The following TFB1M variants were observed in gnomAD, a reference collection of about 807,000 sequenced individuals.
TFB1M encodes transcription factor B1, mitochondrial.
In TFB1M, 27 loss-of-function variants were observed where a neutral mutation model predicts 31.1. The ratio of observed to expected loss-of-function variants is 0.87; its 90% CI spans 0.64 to 1.20. The LOEUF (loss-of-function observed/expected upper bound fraction) is 1.20, where lower values mean the gene tolerates loss of function less well. Ranked by LOEUF, TFB1M falls within the 50% of genes most tolerant of loss-of-function variation. The pLI is 0.00. For missense variants in TFB1M, 394 were observed against 418.7 expected (o/e 0.94, Z 0.51); for synonymous variants, 166 against 151.8 (o/e 1.09, Z -0.69).
chr6:155,238,380 CTCCAAACTGT>C, the TFB1M span, among the ~76,000 whole-genome samples: 1 of 152,236 alleles, frequency 6.6e-6, no homozygotes, highest in African/African-American at 2.4e-5. Context: ...CTTCTGAGCC[CTCCAAACTGT>C]TCCAACCTCT....
chr6:155,268,890 T>C, intron 5 of TFB1M, among the ~76,000 whole-genome samples: 1 of 146,114 alleles, frequency 6.8e-6, no homozygotes, highest in Non-Finnish European at 1.5e-5. Flanking sequence ...CCCTCCACTA[T>C]TGTCCTATGA....
At chr6:155,259,072 C>G (rs1583304638) in intron 6 of TFB1M, among the ~76,000 whole-genome samples, 1 of 152,170 alleles carries the variant, frequency 6.6e-6, no homozygotes, top group South Asian at 2.1e-4. Flanking sequence ...AGTGCCAGCT[C>G]TAGGCTCAGA....
intron 4 of TFB1M, among the ~76,000 whole-genome samples, chr6:155,286,853 T>A (rs1046468833): frequency 6.6e-6 from 1 of 151,778 alleles, no homozygotes; most frequent in African/African-American, 2.4e-5. Context: ...TATTAAAATT[T>A]TTAATTTCTG....
At position 155,311,246 on chromosome 6, in the gene TFB1M, G is replaced by A. The variant is rs758851498; in HGVS notation, c.227C>T (p.Ala76Val). 2 of 1,613,926 alleles carry A rather than the reference G, an allele frequency of 1.2e-6. No homozygotes were observed. Among genetic ancestry groups the A allele is most frequent in the African/African-American group, 1.3e-5 (1 of 74,922 alleles). ...PGGITRSILNADVAELLVVEK... is the reference protein window; with the variant it reads ...PGGITRSILNVDVAELLVVEK... ...AACCACCAGAAGTTCAGCGACGTCG[G>A]CATTAAGAATAGATCTTGTGATTCC... The change falls in exon 2 of 7, where the codon GCC becomes GTC. Residue 76 changes from alanine to valine, a missense_variant. This residue lies in a region of TFB1M where 273 missense variants were observed against 256.4 expected (regional missense o/e 1.06). Transcript: ENST00000367166.
chr6:155,248,827 T>G, the TFB1M span, among the ~76,000 whole-genome samples: 15 of 152,208 alleles, frequency 9.9e-5, no homozygotes, highest in Non-Finnish European at 1.8e-4. Context: ...ATGTTGAAAC[T>G]AGGAGGTCCA....
intron 4 of TFB1M, among the ~76,000 whole-genome samples, chr6:155,289,162 G>A (rs1021269408): frequency 6.6e-6 from 1 of 152,022 alleles, no homozygotes; most frequent in African/African-American, 2.4e-5. Context: ...GGGACAATGA[G>A]AACTATGTAA....
At position 155,256,611 on chromosome 6, in the gene TFB1M, C is replaced by T. The variant is rs770617207; in HGVS notation, c.*1225G>A. 3.1e-6 allele frequency: 5 copies of T among 1,614,006 alleles called. No homozygotes were observed. The African/African-American group carries it at 5.3e-5, about 17-fold the overall frequency. On this transcript the variant is annotated 3_prime_UTR_variant, in exon 7 of 7. Coordinates refer to ENST00000367166, the MANE Select transcript of TFB1M (RefSeq NM_016020.4). ...GCAGCGGCACCCAGAGCAGCGGCTG[C>T]CCCACGGCTGAGGGCAGGCAGGACT...
chr6:155,245,754 A>AGTTT, the TFB1M span: 1 of 562,928 alleles, frequency 1.8e-6, no homozygotes, highest in Non-Finnish European at 2.5e-6. Flanking sequence ...TGCCTTTTAT[A>AGTTT]GTTTTTTTTT....
intron 2 of TFB1M, among the ~76,000 whole-genome samples, chr6:155,300,353 C>A (rs1226764793): frequency 6.6e-6 from 1 of 152,062 alleles, no homozygotes; most frequent in Non-Finnish European, 1.5e-5. Flanking sequence ...TTTAAATTAC[C>A]ACTAGTTAGT....
the TFB1M span, chr6:155,247,915 A>T: frequency 7.5e-6 from 11 of 1,461,634 alleles, no homozygotes; most frequent in Non-Finnish European, 9.3e-6. Context: ...ATAGAAATAG[A>T]TGATCTATAA....
the TFB1M span, among the ~76,000 whole-genome samples, chr6:155,247,428 A>G: frequency 6.6e-6 from 1 of 152,222 alleles, no homozygotes; most frequent in Middle Eastern, 3.4e-3. Flanking sequence ...TCAGGAGTTC[A>G]GGTGATTCTC....
At chr6:155,299,277 CA>C (rs899188200) in intron 2 of TFB1M, among the ~76,000 whole-genome samples, 2 of 152,070 alleles carry the variant, frequency 1.3e-5, no homozygotes, top group African/African-American at 4.8e-5. Context: ...TCTTTGTGAG[CA>C]AAAAGGGGAA....
At chr6:155,284,853 T>C (rs1053027682) in intron 5 of TFB1M, among the ~76,000 whole-genome samples, 1 of 152,210 alleles carries the variant, frequency 6.6e-6, no homozygotes, top group Non-Finnish European at 1.5e-5. Context: ...TGGGTGACCG[T>C]GTAACTTATC....
At chr6:155,273,391 A>G (rs1785031519) in intron 5 of TFB1M, among the ~76,000 whole-genome samples, 1 of 152,226 alleles carries the variant, frequency 6.6e-6, no homozygotes, top group Non-Finnish European at 1.5e-5. Flanking sequence ...TCTAGGATCT[A>G]ATGTCTTAGA....
intron 6 of TFB1M, among the ~76,000 whole-genome samples, chr6:155,259,356 CTTAA>C (rs1490238339): frequency 6.6e-6 from 1 of 152,234 alleles, no homozygotes; most frequent in Non-Finnish European, 1.5e-5. Flanking sequence ...GGAATTCTGG[CTTAA>C]TTAGAGGCAA....
At chr6:155,271,200 A>G (rs537575133) in intron 5 of TFB1M, among the ~76,000 whole-genome samples, 1 of 152,314 alleles carries the variant, frequency 6.6e-6, no homozygotes, top group East Asian at 1.9e-4. Context: ...CAATAATAAA[A>G]TTATCTTCTT....
chr6:155,296,426 A>ATTTTTTTTTTTTTTTTTT (rs71023639), intron 4 of TFB1M, among the ~76,000 whole-genome samples: 5 of 103,474 alleles, frequency 4.8e-5, no homozygotes, highest in Admixed American at 1.2e-4. Flanking sequence ...CACCCAGCTA[A>ATTTTTTTTTTTTTTTTTT]TTTTTTTTTT....
At position 155,257,542 on chromosome 6, in the gene TFB1M, G is replaced by T; in HGVS notation, c.*294C>A. ...AAGCATATTTAAGTTATTTTAATGT[G>T]GTTTAGGGGCAAAATGTGCAGATAC... On this transcript the variant is annotated 3_prime_UTR_variant, in exon 7 of 7. Coordinates refer to ENST00000367166, the MANE Select transcript of TFB1M (RefSeq NM_016020.4). 5.0e-6 allele frequency: 2 copies of T among 396,676 alleles called. No individual in the cohort carries two copies. Among genetic ancestry groups the T allele is most frequent in the Non-Finnish European group, 9.0e-6 (2 of 222,972 alleles). 24.6% of individuals were successfully genotyped at this position (396,676 alleles called of 1,614,324 possible). A position where few individuals can be genotyped will look rare whatever the true frequency, so the allele number is the denominator to read the frequency against.
chr6:155,243,171 A>G, the TFB1M span, among the ~76,000 whole-genome samples: 1 of 152,178 alleles, frequency 6.6e-6, no homozygotes, highest in African/African-American at 2.4e-5. Flanking sequence ...TAGCCATTAG[A>G]GCTGCAGCTC....
Sources: allele counts gnomAD v4.1 joint callset (sites outside exome capture counted in the v4.1 genomes callset), GRCh38; gene constraint gnomAD v4.1.1; regional missense constraint gnomAD v4.1.1; transcripts MANE v1.5; gene names NCBI Gene and HGNC (gene_info 2026-07-23, HGNC 2026-07-21).